The following STAG1 variants were observed in gnomAD, a reference collection of about 807,000 sequenced individuals.
STAG1 encodes STAG1 cohesin complex component, also known as cohesin subunit SA-1.
STAG1 carries 26 observed loss-of-function variants against 170.9 expected under a neutral mutation model. That is an observed-to-expected ratio of 0.15 (90% CI 0.11 to 0.21). The LOEUF (loss-of-function observed/expected upper bound fraction) is 0.21. STAG1 is among the 10% of genes least tolerant of loss of function. The pLI is 1.00. For missense variants in STAG1, 964 were observed against 1,509.5 expected, an observed-to-expected ratio of 0.64 and a Z score of 5.99; for synonymous variants, 514 against 497.7, an observed-to-expected ratio of 1.03 and a Z score of -0.44.
At chr3:136,431,044 C>T (rs1277943563) in intron 16 of STAG1, among the ~76,000 whole-genome samples, 1 of 151,976 alleles carries the variant, frequency 6.6e-6, no homozygotes, top group Non-Finnish European at 1.5e-5. Flanking sequence ...GCTGGGATTA[C>T]AGGCATGTGC....
chr3:136,533,380 T>C (rs185048093), intron 6 of STAG1, among the ~76,000 whole-genome samples: 2 of 152,242 alleles, frequency 1.3e-5, no homozygotes, highest in Admixed American at 1.3e-4. Flanking sequence ...CTTTTTTTTA[T>C]TTTTATTTTT....
chr3:136,618,580 GA>G (rs563791834), intron 3 of STAG1, among the ~76,000 whole-genome samples: 1 of 152,082 alleles, frequency 6.6e-6, no homozygotes, highest in Non-Finnish European at 1.5e-5. Flanking sequence ...CTCACTAAGA[GA>G]AAAAAATCCA....
rs529268067 is a variant in STAG1, at chr3:136,410,398, T to C, written c.2196+7487A>G. Among the ~76,000 whole-genome samples, 3 of 152,180 alleles carry C rather than the reference T, an allele frequency of 2.0e-5. No individual in the cohort carries two copies. In the South Asian group the frequency reaches 6.2e-4, roughly 32 times the overall value. ...CAGCCTGGGCAACAGAGCAAGACTC[T>C]GTTTGAAAATAAAAAGTTTGCCCTA... On this transcript the variant is annotated intron_variant, in intron 21 of 33. Coordinates refer to ENST00000383202, the MANE Select transcript of STAG1 (RefSeq NM_005862.3).
chr3:136,625,457 C>A (rs970651901), intron 2 of STAG1, among the ~76,000 whole-genome samples: 1 of 152,216 alleles, frequency 6.6e-6, no homozygotes, highest in Non-Finnish European at 1.5e-5. Context: ...CTCAAATTCA[C>A]CAAATGCCAC....
rs745976590 is a variant in STAG1 at position 136,473,593 on chromosome 3, T to C, written c.1071A>G (p.Leu357=). Residue 357 remains leucine, a synonymous_variant, in exon 11 of 34, where the codon CTA becomes CTG. Coordinates refer to ENST00000383202, the MANE Select transcript of STAG1 (RefSeq NM_005862.3). ...TGGGGAATAATTCTCTATTGGTATA[T>C]AGACTCTGCAGAGCTTTCAAACACT... ...RLKCLKALQS[L]YTNRELFPKL... 1.1e-5 allele frequency: 18 copies of C among 1,612,768 alleles called. No homozygotes were observed. The highest frequency in any genetic ancestry group is 8.9e-5 in the East Asian group (4 of 44,792).
chr3:136,531,782 G>A (rs1935382901), intron 6 of STAG1, among the ~76,000 whole-genome samples: 1 of 135,770 alleles, frequency 7.4e-6, no homozygotes, highest in South Asian at 2.8e-4. Flanking sequence ...AGGGGGGAGG[G>A]ATAGCATCGG....
chr3:136,425,884 CTA>C (rs922761866), intron 16 of STAG1, among the ~76,000 whole-genome samples: 4 of 151,496 alleles, frequency 2.6e-5, no homozygotes, highest in Non-Finnish European at 5.9e-5. Flanking sequence ...ACTTTAAAGA[CTA>C]TTAAGGAAAA....
chr3:136,531,907 T>TAAAAAAAAAAAAA (rs58322006), intron 6 of STAG1, among the ~76,000 whole-genome samples: 1 of 90,354 alleles, frequency 1.1e-5, no homozygotes, highest in African/African-American at 3.4e-5. Flanking sequence ...ACTTAAAGTA[T>TAAAAAAAAAAAAA]AAAAAAAAAA....
At position 136,546,927 on chromosome 3, in the gene STAG1, G is replaced by C. The variant is rs187746236; in HGVS notation, c.395-4732C>G. ...CTGTGCTTCAAAGCTATGTCACTAG[G>C]GGTCCCAGATAATCTCAAGTATACT... On this transcript the variant is annotated intron_variant, in intron 5 of 33. Transcript: ENST00000383202. 4.5e-4 allele frequency among the ~76,000 whole-genome samples: 68 copies of C among 152,204 alleles called. No individual in the cohort carries two copies. The East Asian group carries it at 0.012, about 26-fold the overall frequency.
intron 1 of STAG1, among the ~76,000 whole-genome samples, chr3:136,690,893 T>C (rs574014539): frequency 1.3e-5 from 2 of 151,362 alleles, no homozygotes; most frequent in South Asian, 4.2e-4. Context: ...AGTTCTCGAA[T>C]GGGGGATAAT....
chr3:136,629,102 T>A (rs1940221192), intron 2 of STAG1, among the ~76,000 whole-genome samples: 1 of 152,194 alleles, frequency 6.6e-6, no homozygotes, highest in Admixed American at 6.5e-5. Context: ...TGAAAAAAAT[T>A]CACTCACAAA....
chr3:136,378,385 T>C (rs1218141961), intron 22 of STAG1, among the ~76,000 whole-genome samples: 1 of 152,200 alleles, frequency 6.6e-6, no homozygotes, highest in Non-Finnish European at 1.5e-5. Context: ...ATAAGGAACA[T>C]TTGAAAAGTC....
chr3:136,722,498 G>C lies in STAG1; in HGVS notation c.-84+29697C>G, dbSNP rs377144603. Among the ~76,000 whole-genome samples, 56 of 152,238 alleles carry C rather than the reference G, an allele frequency of 3.7e-4. 1 individual carries two copies. The South Asian group carries it at 0.011, about 31-fold the overall frequency. On this transcript the variant is annotated intron_variant, in intron 1 of 33. Coordinates refer to ENST00000383202, the MANE Select transcript of STAG1 (RefSeq NM_005862.3). ...AGAAGGGAAGTGGTAAAGTAAGGGGGCTATAGGAGATTACAAGTTTTTAAG... is the reference window on the plus strand; with the variant it reads ...AGAAGGGAAGTGGTAAAGTAAGGGGCCTATAGGAGATTACAAGTTTTTAAG...
At position 136,422,398 on chromosome 3, in the gene STAG1, T is replaced by C. The variant is rs2087985457; in HGVS notation, c.2037+12A>G. The stretch of plus-strand genomic sequence containing the variant: ...AATATTATTATATGTACACATTAAC[T>C]TTAGAACAGACCTCTTGCAATAGGT... On this transcript the variant is annotated intron_variant, in intron 19 of 33. Coordinates refer to ENST00000383202, the MANE Select transcript of STAG1 (RefSeq NM_005862.3). 1.2e-6 allele frequency: 2 copies of C among 1,612,544 alleles called. No homozygotes were observed. The highest frequency in any genetic ancestry group is 4.5e-5 in the East Asian group (2 of 44,834).
At chr3:136,525,461 T>A (rs1934960876) in intron 6 of STAG1, among the ~76,000 whole-genome samples, 1 of 152,176 alleles carries the variant, frequency 6.6e-6, no homozygotes, top group African/African-American at 2.4e-5. Context: ...TCATTTTTTA[T>A]TGCGTCTATT....
In STAG1 at chr3:136,343,849, T is replaced by G. The variant is rs199816686; in HGVS notation, c.3429A>C (p.Glu1143Asp). The G allele has an allele frequency of 1.3e-6, 2 of 1,582,222 alleles. No individual in the cohort carries two copies. The highest frequency in any genetic ancestry group is 2.3e-5 in the South Asian group (2 of 85,564). The change falls in exon 30 of 34, where the codon GAA becomes GAC. Residue 1143 changes from glutamate (E) to aspartate (D), a missense_variant. Glu to Asp is a conservative substitution (Grantham distance 45). This residue lies in a region of STAG1 where 122 missense variants were observed against 129.0 expected (regional missense o/e 0.95). Transcript: ENST00000383202. ...IQEPESEHGSEPDFLHNPQMQ... is the reference protein window; with the variant it reads ...IQEPESEHGSDPDFLHNPQMQ... The stretch of plus-strand genomic sequence containing the variant: ...CTACTTACTTGTGTAAAAAGTCTGG[T>G]TCAGAACCATGTTCAGACTCAGGTT...
intron 6 of STAG1, among the ~76,000 whole-genome samples, chr3:136,523,900 G>C (rs1934840211): frequency 6.6e-6 from 1 of 152,018 alleles, no homozygotes; most frequent in Non-Finnish European, 1.5e-5. Flanking sequence ...AGATCAGATA[G>C]TTGTAGACGT....
At chr3:136,366,696 A>G (rs1034956265) in intron 25 of STAG1, among the ~76,000 whole-genome samples, 13 of 152,132 alleles carry the variant, frequency 8.5e-5, no homozygotes, top group African/African-American at 2.9e-4. Context: ...GAGAGTCAGG[A>G]ACAAAATGGA....
intron 23 of STAG1, among the ~76,000 whole-genome samples, chr3:136,377,379 T>A (rs1415806040): frequency 0.042 from 13 of 312 alleles, 1 homozygote; most frequent in Non-Finnish European, 0.039. Context: ...AGAGCGAGAC[T>A]CTGTCTCAAA....
Sources: allele counts gnomAD v4.1 joint callset (sites outside exome capture counted in the v4.1 genomes callset), GRCh38; gene constraint gnomAD v4.1.1; regional missense constraint gnomAD v4.1.1; transcripts MANE v1.5; gene names NCBI Gene and HGNC (gene_info 2026-07-23, HGNC 2026-07-21).